The following INPP4B variants were observed in gnomAD, a reference collection of about 807,000 sequenced individuals.
The protein encoded by INPP4B is inositol polyphosphate-4-phosphatase type II B.
Under a neutral mutation model 122.5 loss-of-function variants are expected in INPP4B, and 55 were observed. The observed-to-expected ratio is 0.45, with a 90% CI of 0.36 to 0.56. The LOEUF (loss-of-function observed/expected upper bound fraction) is 0.56. Ranked by LOEUF, INPP4B falls within the 20% of genes least tolerant of loss-of-function variation. The pLI, the probability that INPP4B is intolerant of heterozygous loss-of-function variation, is 0.00. For synonymous variants in INPP4B, 403 were observed against 388.7 expected (o/e 1.04, Z -0.43); for missense variants, 1,000 against 1,097.7 (o/e 0.91, Z 1.26).
chr4:142,045,125 A>T (rs903119207), intron 25 of INPP4B, among the ~76,000 whole-genome samples: 1 of 152,176 alleles, frequency 6.6e-6, no homozygotes, highest in African/African-American at 2.4e-5. Context: ...ATCTTTGCAT[A>T]TAATTTTAAA....
intron 14 of INPP4B, among the ~76,000 whole-genome samples, chr4:142,196,583 T>C (rs1838305699): frequency 6.6e-6 from 1 of 152,148 alleles, no homozygotes; most frequent in Non-Finnish European, 1.5e-5. Context: ...ATGATACTTA[T>C]CTTTATCTTA....
At chr4:142,274,028 C>A (rs1365075910) in intron 9 of INPP4B, among the ~76,000 whole-genome samples, 1 of 151,728 alleles carries the variant, frequency 6.6e-6, no homozygotes, top group Non-Finnish European at 1.5e-5. Context: ...ATATCTATTT[C>A]ATGTTTCCAA....
chr4:142,075,020 C>G (rs1769800424), intron 25 of INPP4B, among the ~76,000 whole-genome samples: 1 of 151,974 alleles, frequency 6.6e-6, no homozygotes, highest in African/African-American at 2.4e-5. Flanking sequence ...TTTCTATGCT[C>G]TGGACTCATT....
At chr4:142,540,219 G>C (rs901936964) in intron 2 of INPP4B, among the ~76,000 whole-genome samples, 8 of 151,938 alleles carry the variant, frequency 5.3e-5, no homozygotes. Flanking sequence ...TGGAGACCTT[G>C]AATAATAAAA....
chr4:142,581,105 G>A (rs1167199787), intron 2 of INPP4B, among the ~76,000 whole-genome samples: 1 of 151,850 alleles, frequency 6.6e-6, no homozygotes, highest in African/African-American at 2.4e-5. Context: ...GTCATTATTT[G>A]GGGGTATAAA....
intron 2 of INPP4B, among the ~76,000 whole-genome samples, chr4:142,716,174 G>A (rs148514363): frequency 1.5e-3 from 232 of 152,314 alleles, no homozygotes; most frequent in African/African-American, 5.5e-3. Flanking sequence ...TGATGGGGAT[G>A]CCAACGAGGT....
intron 10 of INPP4B, among the ~76,000 whole-genome samples, chr4:142,264,869 G>A (rs1466933764): frequency 6.6e-6 from 1 of 152,108 alleles, no homozygotes; most frequent in Non-Finnish European, 1.5e-5. Context: ...CATAAAGATG[G>A]GGTCTTAATA....
intron 15 of INPP4B, among the ~76,000 whole-genome samples, chr4:142,175,499 T>C (rs1827727718): frequency 6.6e-6 from 1 of 152,172 alleles, no homozygotes; most frequent in Non-Finnish European, 1.5e-5. Context: ...GTATCAGATT[T>C]ATGAAGGCTA....
chr4:142,353,100 C>A (rs891517886), intron 7 of INPP4B, among the ~76,000 whole-genome samples: 1 of 151,764 alleles, frequency 6.6e-6, no homozygotes, highest in African/African-American at 2.4e-5. Context: ...CCACTAAATG[C>A]GTACTTTTTA....
At chr4:142,576,163 T>G (rs1733786129) in intron 2 of INPP4B, among the ~76,000 whole-genome samples, 1 of 151,910 alleles carries the variant, frequency 6.6e-6, no homozygotes, top group South Asian at 2.1e-4. Flanking sequence ...GCACCAAATA[T>G]TTACATGATG....
chr4:142,337,346 C>T (rs548264837), intron 7 of INPP4B, among the ~76,000 whole-genome samples: 122 of 151,942 alleles, frequency 8.0e-4, no homozygotes, highest in African/African-American at 2.8e-3. Context: ...ATAATTGCTG[C>T]ATCTTTAGAG....
intron 2 of INPP4B, among the ~76,000 whole-genome samples, chr4:142,504,600 TCATA>T (rs1248878269): frequency 6.6e-6 from 1 of 152,128 alleles, no homozygotes; most frequent in African/African-American, 2.4e-5. Context: ...AAGCAAATGC[TCATA>T]TATAGAAGAA....
intron 7 of INPP4B, among the ~76,000 whole-genome samples, chr4:142,336,466 C>T (rs1362988122): frequency 6.6e-6 from 1 of 152,190 alleles, no homozygotes; most frequent in Admixed American, 6.5e-5. Context: ...GTGGCGGGAC[C>T]AAACACGTTT....
At chr4:142,260,410 G>A in intron 11 of INPP4B, 82 bp downstream of exon 11, 1 of 854,964 alleles carries the variant, frequency 1.2e-6, no homozygotes, top group Non-Finnish European at 2.0e-6. Flanking sequence ...ACAACTGTGA[G>A]AATGCTGGTT....
chr4:142,319,140 C>T (rs1769028688), intron 7 of INPP4B, among the ~76,000 whole-genome samples: 2 of 152,152 alleles, frequency 1.3e-5, no homozygotes, highest in African/African-American at 4.8e-5. Context: ...TGGGTCTGCA[C>T]ACTAGGCTGG....
intron 22 of INPP4B, among the ~76,000 whole-genome samples, chr4:142,112,047 A>G (rs538948760): frequency 6.6e-6 from 1 of 152,242 alleles, no homozygotes; most frequent in South Asian, 2.1e-4. Flanking sequence ...ACCAGCAAAA[A>G]AAAAGTGTTT....
At chr4:142,551,782 T>C (rs961620244) in intron 2 of INPP4B, among the ~76,000 whole-genome samples, 2 of 152,130 alleles carry the variant, frequency 1.3e-5, no homozygotes, top group African/African-American at 2.4e-5. Context: ...GTCAATTACA[T>C]ATAGAAAACT....
intron 7 of INPP4B, among the ~76,000 whole-genome samples, chr4:142,389,128 T>A (rs947571651): frequency 6.6e-6 from 1 of 151,916 alleles, no homozygotes; most frequent in Non-Finnish European, 1.5e-5. Context: ...CAGGTGCCTA[T>A]AATCCCATCT....
chr4:142,417,044 G>A (rs17016097), intron 5 of INPP4B, among the ~76,000 whole-genome samples: 1 of 152,094 alleles, frequency 6.6e-6, no homozygotes, highest in African/African-American at 2.4e-5. Flanking sequence ...TCGTGGGAAA[G>A]AGTAGTTCTA....
Sources: allele counts gnomAD v4.1 joint callset (sites outside exome capture counted in the v4.1 genomes callset), GRCh38; gene constraint gnomAD v4.1.1; transcripts MANE v1.5; gene names NCBI Gene and HGNC (gene_info 2026-07-23, HGNC 2026-07-21).